The following CUBN variants were observed in gnomAD, a reference collection of about 807,000 sequenced individuals.
CUBN encodes cubilin.
In CUBN, 282 loss-of-function variants were observed where a neutral mutation model predicts 405.3. The observed-to-expected ratio is 0.70, with a 90% confidence interval of 0.63 to 0.77. The LOEUF (loss-of-function observed/expected upper bound fraction) is 0.77, where lower values mean the gene tolerates loss of function less well. Ranked by LOEUF, CUBN falls within the 30% of genes least tolerant of loss-of-function variation. The pLI is 0.00. For missense variants in CUBN, 4,514 were observed against 4,475.2 expected (o/e 1.01, Z -0.25); for synonymous variants, 1,684 against 1,617.0 (o/e 1.04, Z -0.99).
At chr10:17,040,923 T>C (rs1835003408) in intron 27 of CUBN, 110 bp downstream of exon 27, 1 of 972,440 alleles carries the variant, frequency 1.0e-6, no homozygotes, top group South Asian at 1.3e-5. Flanking sequence ...GTGTTATAGA[T>C]GCGTGGGGCA....
chr10:17,018,897 C>T (rs1346638031), intron 28 of CUBN, among the ~76,000 whole-genome samples: 3 of 152,136 alleles, frequency 2.0e-5, no homozygotes, highest in African/African-American at 7.2e-5. Flanking sequence ...CTGATTGGTG[C>T]ATTTACAAAC....
chr10:16,947,112 G>A (rs987098023), intron 36 of CUBN, 123 bp downstream of exon 36: 2 of 1,060,978 alleles, frequency 1.9e-6, no homozygotes, highest in African/African-American at 3.2e-5. Flanking sequence ...TGAAACAGAG[G>A]AAATTTGGAA....
intron 14 of CUBN, among the ~76,000 whole-genome samples, chr10:17,099,685 T>TA (rs1169629158): frequency 6.6e-6 from 1 of 151,626 alleles, no homozygotes; most frequent in African/African-American, 2.4e-5. Flanking sequence ...TCCATCTCTA[T>TA]AAAAAACACA....
At chr10:16,934,045 C>A (rs138726458) in intron 39 of CUBN, among the ~76,000 whole-genome samples, 1 of 152,054 alleles carries the variant, frequency 6.6e-6, no homozygotes, top group African/African-American at 2.4e-5. Flanking sequence ...TGAGGAGATG[C>A]GCTGTTTTCT....
intron 62 of CUBN, among the ~76,000 whole-genome samples, chr10:16,840,114 C>T (rs1310804557): frequency 1.3e-5 from 2 of 151,238 alleles, no homozygotes; most frequent in Non-Finnish European, 2.9e-5. Context: ...AGGAGATATA[C>T]CTAATGTTAA....
intron 5 of CUBN, 36 bp from the exon 6 acceptor site, chr10:17,122,934 G>T: frequency 1.4e-6 from 2 of 1,399,794 alleles, no homozygotes; most frequent in South Asian, 1.2e-5. Flanking sequence ...AGGTGCCAAA[G>T]GTCACAGAGG....
chr10:17,055,775 A>T (rs1835379897), intron 22 of CUBN, among the ~76,000 whole-genome samples: 2 of 152,156 alleles, frequency 1.3e-5, no homozygotes. Flanking sequence ...ATGAAGGAAG[A>T]TCTGAATAAA....
At chr10:16,981,059 C>G (rs118125523) in intron 31 of CUBN, among the ~76,000 whole-genome samples, 2 of 152,092 alleles carry the variant, frequency 1.3e-5, no homozygotes, top group African/African-American at 2.4e-5. Context: ...GCTCCACCCT[C>G]AAGCCTGGAT....
chr10:16,920,362 G>A (rs1372870002), intron 43 of CUBN, among the ~76,000 whole-genome samples: 2 of 152,082 alleles, frequency 1.3e-5, no homozygotes, highest in African/African-American at 4.8e-5. Flanking sequence ...TATTCTCATT[G>A]GAAATTTCAT....
chr10:16,890,878 G>T lies in CUBN; in HGVS notation c.8599-351C>A, dbSNP rs539647532. On this transcript the variant is annotated intron_variant, in intron 54 of 66. Transcript: ENST00000377833. ...GTGCTGAGGGAGACGGAGCAGCCAG[G>T]TGGAACTCAGCCCTGCTCCTGGGAA... 1.4e-4 allele frequency among the ~76,000 whole-genome samples: 22 copies of T among 152,258 alleles called. No homozygotes were observed. In the South Asian group the frequency reaches 4.1e-3, roughly 29 times the overall value.
rs552577004 is a variant in CUBN at position 17,017,532 on chromosome 10, A to G, written c.4168+2301T>C. On this transcript the variant is annotated intron_variant, in intron 28 of 66. Coordinates refer to ENST00000377833, the MANE Select transcript of CUBN (RefSeq NM_001081.4). ...CCTGAGGAAGGGAAGGGATCTCCAG[A>G]GTTGGAAGAGTGATGCCTTTTGTCC... 7.9e-4 allele frequency among the ~76,000 whole-genome samples: 120 copies of G among 152,278 alleles called. 1 individual carries two copies. Among genetic ancestry groups the G allele is most frequent in the Non-Finnish European group, 1.5e-3 (103 of 68,004 alleles).
At chr10:17,031,531 C>T (rs1435920756) in intron 27 of CUBN, among the ~76,000 whole-genome samples, 2 of 152,218 alleles carry the variant, frequency 1.3e-5, no homozygotes, top group African/African-American at 4.8e-5. Context: ...ACCTGCTTCA[C>T]TCTGAAGCAG....
chr10:16,866,365 C>T lies in CUBN; in HGVS notation c.9454+3271G>A, dbSNP rs145417954. ...CTGGAGGCTCTGATGGTTAAAAATA[C>T]GTTTGCAAGTGTGAAGTGATTTGTA... On this transcript the variant is annotated intron_variant, in intron 59 of 66. Transcript: ENST00000377833. Among the ~76,000 whole-genome samples, 961 of 152,204 alleles carry T rather than the reference C, an allele frequency of 6.3e-3. 4 individuals are homozygous for T. Among genetic ancestry groups the T allele is most frequent in the Non-Finnish European group, 8.1e-3 (549 of 68,014 alleles).
Position 16,851,261 on chromosome 10 carries a change from G to A in CUBN, c.9637C>T (p.Gln3213Ter). Residue 3213 changes from glutamine (Q) to a stop codon, truncating the protein, a stop_gained, in exon 60 of 67, where the codon CAA (glutamine) becomes TAA (stop). Coordinates refer to ENST00000377833, the MANE Select transcript of CUBN (RefSeq NM_001081.4). LOFTEE classifies it high-confidence loss of function. The stretch of plus-strand genomic sequence containing the variant: ...TTTACATAATCATAAAGGCATCTTT[G>A]CCTAGTACTTGCTGCCTCCAGAGCA... Reference protein sequence around the residue: ...TFALEAASTRQRCLYDYVKLY... With the variant: ...TFALEAASTR 6.2e-7 allele frequency: 1 copy of A among 1,613,894 alleles called. No individual in the cohort carries two copies. The highest frequency in any genetic ancestry group is 1.7e-5 in the Admixed American group (1 of 60,030).
chr10:17,015,378 T>C (rs2131772897), intron 28 of CUBN, among the ~76,000 whole-genome samples: 1 of 152,176 alleles, frequency 6.6e-6, no homozygotes, highest in East Asian at 1.9e-4. Context: ...TTGGCTAATA[T>C]ATTCCTCCCT....
At chr10:17,103,565 TC>T (rs781129653) in intron 12 of CUBN, among the ~76,000 whole-genome samples, 16 of 152,340 alleles carry the variant, frequency 1.1e-4, no homozygotes, top group Non-Finnish European at 1.9e-4. Context: ...GTATCTGTTC[TC>T]CCATTGGGGT....
intron 57 of CUBN, among the ~76,000 whole-genome samples, chr10:16,875,433 G>A (rs1840469882): frequency 1.3e-5 from 2 of 152,144 alleles, no homozygotes; most frequent in Non-Finnish European, 2.9e-5. Context: ...TACACTATCA[G>A]TGGACACGTT....
chr10:16,944,981 C>T (rs1269836609), intron 36 of CUBN, among the ~76,000 whole-genome samples: 1 of 152,128 alleles, frequency 6.6e-6, no homozygotes, highest in Non-Finnish European at 1.5e-5. Context: ...CCTTCACAGT[C>T]CTAGAAATTT....
In CUBN at chr10:16,851,298, G is replaced by A. The variant is rs561071535; in HGVS notation, c.9600C>T (p.Thr3200=). ...CTGCCTCCAGAGCAAATGTATTGAAGGTGAGGTGAATTACTTTGTTTACAG... is the reference window on the plus strand; with the variant it reads ...CTGCCTCCAGAGCAAATGTATTGAAAGTGAGGTGAATTACTTTGTTTACAG... ...IAPVNKVIHL[T]FNTFALEAAS... is the part of the protein sequence containing the mutation. Residue 3200 remains threonine, a synonymous_variant, in exon 60 of 67, where the codon ACC becomes ACT. Coordinates refer to ENST00000377833, the MANE Select transcript of CUBN (RefSeq NM_001081.4). 6.2e-6 allele frequency: 10 copies of A among 1,614,092 alleles called. No individual in the cohort carries two copies. In the Admixed American group the frequency reaches 1.2e-4, roughly 19 times the overall value.
Sources: gnomAD v4.1 joint callset for allele counts (sites outside exome capture counted in the v4.1 genomes callset) on GRCh38, gnomAD v4.1.1 for gene constraint, MANE v1.5 for transcripts, NCBI Gene and HGNC (gene_info 2026-07-23, HGNC 2026-07-21) for gene names.